COL4A4: variants seen among roughly 807,000 people sequenced by gnomAD.
COL4A4 encodes collagen type IV alpha 4 chain.
Under a neutral mutation model 192.9 loss-of-function variants are expected in COL4A4, and 105 were observed. The ratio of observed to expected loss-of-function variants is 0.54; its 90% CI spans 0.46 to 0.64. The LOEUF (loss-of-function observed/expected upper bound fraction) is 0.64, where lower values mean the gene tolerates loss of function less well. Among genes scored for constraint, COL4A4 ranks in the 30% least tolerant of loss-of-function variants. The pLI is 0.00. For synonymous variants in COL4A4, 762 were observed against 769.9 expected (o/e 0.99, Z 0.17); for missense variants, 1,967 against 2,169.3 (o/e 0.91, Z 1.85).
At chr2:227,129,454 G>A (rs1393840842) in intron 4 of COL4A4, among the ~76,000 whole-genome samples, 5 of 147,666 alleles carry the variant, frequency 3.4e-5, no homozygotes, top group Non-Finnish European at 5.9e-5. Context: ...CTGTCACCCA[G>A]GCTGGAGTAC....
At chr2:227,037,399 T>A (rs1969900341) in intron 37 of COL4A4, among the ~76,000 whole-genome samples, 1 of 152,242 alleles carries the variant, frequency 6.6e-6, no homozygotes, top group East Asian at 1.9e-4. Context: ...TCCATGTCCC[T>A]GCAAAGGACA....
rs2061616661 is a variant in COL4A4 at position 227,118,697 on chromosome 2, C to T, written c.437G>A (p.Gly146Asp). ...PGMSGHNGSR[G>D]DPGFPGGRGA... ...TCTTCCTCCTGGAAACCCTGGGTCA[C>T]CTCTTGAGCCATTGTGGCCACTCAT... The change falls in exon 7 of 48, where the codon GGT becomes GAT. Residue 146 changes from glycine to aspartate, a missense_variant. Coordinates refer to ENST00000396625, the MANE Select transcript of COL4A4 (RefSeq NM_000092.5). 1 of 1,613,970 alleles carries T rather than the reference C, an allele frequency of 6.2e-7. No individual in the cohort carries two copies. The highest frequency in any genetic ancestry group is 1.7e-5 in the Admixed American group (1 of 60,006).
the COL4A4 span, among the ~76,000 whole-genome samples, chr2:226,967,647 CATT>C: frequency 1.3e-5 from 2 of 151,166 alleles, no homozygotes; most frequent in East Asian, 2.0e-4. Flanking sequence ...TTGTAGAAGT[CATT>C]GTTGTAGTAA....
At chr2:227,101,404 C>T (rs1042295403) in intron 17 of COL4A4, 100 bp downstream of exon 17, 4 of 990,660 alleles carry the variant, frequency 4.0e-6, no homozygotes, top group Non-Finnish European at 6.0e-6. Flanking sequence ...CTAAAAATTA[C>T]ATTCTTGAAT....
Position 227,051,058 on chromosome 2 carries a change from T to G in COL4A4, c.3069A>C (p.Pro1023=). ...GAGGGCCTGGGGGTCCAGGAGGCCC[T>G]GGCTGACCTTTCTCACCAGGTTCCC... The part of the protein sequence containing the change: ...HRGEPGEKGQ[P]GPPGPPGPPG... Residue 1023 remains proline (P), a synonymous_variant, in exon 33 of 48, where the codon CCA becomes CCC. Transcript: ENST00000396625. The G allele has an allele frequency of 6.2e-7, 1 of 1,614,216 alleles. No homozygotes were observed. The highest frequency in any genetic ancestry group is 8.5e-7 in the Non-Finnish European group (1 of 1,180,042).
chr2:227,158,851 T>C (rs1365072525), intron 1 of COL4A4, among the ~76,000 whole-genome samples: 2 of 152,170 alleles, frequency 1.3e-5, no homozygotes, highest in Admixed American at 6.5e-5. Context: ...CTCCTATGCA[T>C]GGTATTCTAC....
intron 21 of COL4A4, among the ~76,000 whole-genome samples, 200 bp from the exon 22 acceptor site, chr2:227,089,016 T>TG (rs2059754406): frequency 6.6e-6 from 1 of 152,092 alleles, no homozygotes; most frequent in African/African-American, 2.4e-5. Flanking sequence ...GGATGTAGGG[T>TG]GGGCATACCA....
In COL4A4 at chr2:227,121,094, CT is replaced by C. The variant is rs756927888; in HGVS notation, c.246del (p.Gly83AspfsTer11). On this transcript the variant is annotated frameshift_variant, in exon 5 of 48. Transcript: ENST00000396625. LOFTEE classifies it high-confidence loss of function. ...TTCTCTCCTGAAAGCCCAATGGGTC[CT>C]GGGGCTCCCAGGGGTCCAATTGGAC... ...PQGPIGPLGAPGPIGLSGEKG... is the reference protein window; with the variant it reads ...PQGPIGPLGAXGPIGLSGEKG... 1 of 1,614,152 alleles carries C rather than the reference CT, an allele frequency of 6.2e-7. No homozygotes were observed. Among genetic ancestry groups the C allele is most frequent in the South Asian group, 1.1e-5 (1 of 91,086 alleles).
chr2:227,015,626 T>C (rs1242718649), intron 44 of COL4A4, among the ~76,000 whole-genome samples: 1 of 152,228 alleles, frequency 6.6e-6, no homozygotes, highest in Non-Finnish European at 1.5e-5. Context: ...CATTTTCTGC[T>C]AGCCTGTGGC....
At position 227,057,577 on chromosome 2, in the gene COL4A4, G is replaced by C; in HGVS notation, c.2407C>G (p.Leu803Val). Residue 803 changes from leucine (L) to valine (V), a missense_variant, in exon 29 of 48, where the codon CTA (leucine) becomes GTA (valine). Coordinates refer to ENST00000396625, the MANE Select transcript of COL4A4 (RefSeq NM_000092.5). ...AEGPAGIPGF[L>V]GLKGPKGREG... ...CTGCCTTTGGGACCTTTGAGACCTA[G>C]GAATCCAGGAATGCCAGCTGGCCCT... 6.2e-7 allele frequency: 1 copy of C among 1,614,128 alleles called. No individual in the cohort carries two copies. The highest frequency in any genetic ancestry group is 8.5e-7 in the Non-Finnish European group (1 of 1,180,012).
chr2:227,050,938 TTTTA>T (rs1973965564), intron 33 of COL4A4, 35 bp downstream of exon 33: 1 of 1,612,698 alleles, frequency 6.2e-7, no homozygotes, highest in Non-Finnish European at 8.5e-7. Context: ...AACAGAAAGG[TTTTA>T]TTGTCTCTTC....
At chr2:227,078,205 G>T (rs1188910940) in intron 24 of COL4A4, 128 bp from the exon 25 acceptor site, 3 of 792,114 alleles carry the variant, frequency 3.8e-6, no homozygotes, top group African/African-American at 3.5e-5. Flanking sequence ...TTAAGCAAAT[G>T]TAAGTTTAAA....
At chr2:227,002,275 C>G (rs1033619133), downstream of COL4A4, among the ~76,000 whole-genome samples, 2 of 151,318 alleles carry the variant, frequency 1.3e-5, no homozygotes, top group African/African-American at 4.8e-5. Context: ...CAATACCTAA[C>G]TAACTCCTGA....
In COL4A4 at chr2:227,089,971, A is replaced by C; in HGVS notation, c.1370-14T>G. On this transcript the variant is annotated splice_polypyrimidine_tract_variant and intron_variant, in intron 20 of 47. Coordinates refer to ENST00000396625, the MANE Select transcript of COL4A4 (RefSeq NM_000092.5). ...TACAGTATATCACTGTCAAGGAGGT[A>C]AGGGGGTGGGCAGAGAGAATCACAT... 1.2e-6 allele frequency: 2 copies of C among 1,601,698 alleles called. No homozygotes were observed. The highest frequency in any genetic ancestry group is 8.6e-7 in the Non-Finnish European group (1 of 1,169,188).
chr2:227,046,057 A>AAATATATATACGTATATATACTATCTC (rs1972759556), intron 35 of COL4A4, among the ~76,000 whole-genome samples: 1 of 138,676 alleles, frequency 7.2e-6, no homozygotes, highest in African/African-American at 2.8e-5. Flanking sequence ...TATACTATCT[A>AAATATATATACGTATATATACTATCTC]AACATATATA....
At chr2:226,990,143 TGTC>T in the COL4A4 span, among the ~76,000 whole-genome samples, 4 of 152,262 alleles carry the variant, frequency 2.6e-5, no homozygotes, top group Non-Finnish European at 5.9e-5. Context: ...GTGTGGTTAC[TGTC>T]TTTAAGCATC....
At chr2:227,022,715 T>C (rs762905077) in intron 43 of COL4A4, among the ~76,000 whole-genome samples, 49 of 152,186 alleles carry the variant, frequency 3.2e-4, no homozygotes, top group Admixed American at 6.5e-5. Flanking sequence ...ATTGGACTTA[T>C]CCAGGGGAGT....
intron 25 of COL4A4, among the ~76,000 whole-genome samples, chr2:227,066,232 A>C (rs1358384022): frequency 6.6e-6 from 1 of 152,230 alleles, no homozygotes; most frequent in Non-Finnish European, 1.5e-5. Flanking sequence ...GACCAAATCT[A>C]CATCTGATTG....
intron 3 of COL4A4, 30 bp from the exon 4 acceptor site, chr2:227,140,268 C>A (rs1285467083): frequency 1.9e-6 from 3 of 1,586,330 alleles, no homozygotes; most frequent in South Asian, 1.1e-5. Context: ...ATTTAGTATA[C>A]CAGTACTCAT....
Sources: gnomAD v4.1 joint callset for allele counts (sites outside exome capture counted in the v4.1 genomes callset) on GRCh38, gnomAD v4.1.1 for gene constraint, MANE v1.5 for transcripts, NCBI Gene and HGNC (gene_info 2026-07-23, HGNC 2026-07-21) for gene names.